CTPS2: variants seen among roughly 807,000 people sequenced by gnomAD.
The protein encoded by CTPS2 is CTP synthase 2.
In CTPS2, 19 loss-of-function variants were observed where a neutral mutation model predicts 46.8. The ratio of observed to expected loss-of-function variants is 0.41; its 90% CI spans 0.28 to 0.60. The LOEUF (loss-of-function observed/expected upper bound fraction) is 0.60. Ranked by LOEUF, CTPS2 falls within the 20% of genes least tolerant of loss-of-function variation. The probability of loss-of-function intolerance (pLI) is 0.35; values close to 1 mark genes in which losing one functional copy is unlikely to be tolerated. For synonymous variants in CTPS2, 151 were observed against 165.2 expected, an observed-to-expected ratio of 0.91 and a Z score of 0.66; for missense variants, 286 against 447.6, an observed-to-expected ratio of 0.64 and a Z score of 3.26.
intron 17 of CTPS2, among the ~76,000 whole-genome samples, chrX:16,607,086 G>A (rs778491266): frequency 4.4e-5 from 5 of 113,009 alleles, no homozygotes; most frequent in East Asian, 2.8e-4. Context: ...CCCGCCATGC[G>A]GGAATTGGCA....
intron 17 of CTPS2, 34 bp from the exon 18 acceptor site, chrX:16,590,896 T>TAA: frequency 1.7e-5 from 16 of 924,040 alleles, no homozygotes; most frequent in Admixed American, 2.8e-5. Flanking sequence ...TAGCAAGGTA[T>TAA]AAAAAAAAAA....
chrX:16,626,495 T>G (rs897629809), intron 14 of CTPS2, among the ~76,000 whole-genome samples: 4 of 111,871 alleles, frequency 3.6e-5, no homozygotes, highest in African/African-American at 1.3e-4. Flanking sequence ...TTCTGGAGAC[T>G]GTACAACAAT....
At chrX:16,590,036 A>G (rs1313096692) in intron 18 of CTPS2, among the ~76,000 whole-genome samples, 1 of 111,870 alleles carries the variant, frequency 8.9e-6, no homozygotes, top group African/African-American at 3.2e-5. Context: ...GCCTGCCATA[A>G]TGCCTAGGGC....
chrX:16,701,555 G>A (rs750571420), intron 2 of CTPS2, among the ~76,000 whole-genome samples: 2 of 108,588 alleles, frequency 1.8e-5, no homozygotes, highest in South Asian at 4.1e-4. Context: ...GTGAGACCCT[G>A]TCTCAAAAAA....
chrX:16,652,758 A>G (rs1226415631), intron 13 of CTPS2, among the ~76,000 whole-genome samples: 1 of 111,815 alleles, frequency 8.9e-6, no homozygotes, highest in Non-Finnish European at 1.9e-5. Context: ...CTGAAAGTCT[A>G]CTTAACATGT....
In CTPS2 at chrX:16,683,187, A is replaced by C. The variant is rs374930978; in HGVS notation, c.912T>G (p.Val304=). Residue 304 remains valine, a synonymous_variant, in exon 9 of 19, where the codon GTT becomes GTG. Coordinates refer to ENST00000359276, the MANE Select transcript of CTPS2 (RefSeq NM_175859.3). The stretch of plus-strand genomic sequence containing the variant: ...AGTCTCTGAGCTTGGTGTATTTGCC[A>C]ACCAGGGCTATGGAGCATATTTTCT... ...RLQKICSIAL[V]GKYTKLRDCY... 1 of 1,210,714 alleles carries C rather than the reference A, an allele frequency of 8.3e-7. No homozygotes were observed.
At chrX:16,593,200 T>C (rs751941870) in intron 17 of CTPS2, among the ~76,000 whole-genome samples, 195 of 111,330 alleles carry the variant, frequency 1.8e-3, no homozygotes, top group African/African-American at 5.7e-3. Flanking sequence ...GAGGCCAAGG[T>C]GGGCGGATCA....
At chrX:16,672,802 A>T (rs1387444738) in intron 10 of CTPS2, among the ~76,000 whole-genome samples, 4 of 109,113 alleles carry the variant, frequency 3.7e-5, no homozygotes, top group African/African-American at 1.3e-4. Context: ...CTCTGTGCAA[A>T]TTGGTTGAAT....
chrX:16,605,652 G>T (rs1485495992), intron 17 of CTPS2, among the ~76,000 whole-genome samples: 1 of 111,601 alleles, frequency 9.0e-6, no homozygotes, highest in Non-Finnish European at 1.9e-5. Context: ...AACCCGGGAG[G>T]TGGAGGTTGC....
At position 16,648,432 on chromosome X, in the gene CTPS2, T is replaced by TTGAAA. The variant is rs1264252703; in HGVS notation, c.1297-9190_1297-9189insTTTCA. ...TGAATCTAGTCGAAAGGCAGACTGG[T>TTGAAA]GTTCATTGCACTATTCTTGCCACTT... On this transcript the variant is annotated intron_variant, in intron 13 of 18. Coordinates refer to ENST00000359276, the MANE Select transcript of CTPS2 (RefSeq NM_175859.3). 4.5e-5 allele frequency among the ~76,000 whole-genome samples: 5 copies of TTGAAA among 112,150 alleles called. No individual in the cohort carries two copies. The South Asian group carries it at 1.5e-3, about 33-fold the overall frequency.
At chrX:16,639,579 G>A (rs369730265) in intron 13 of CTPS2, among the ~76,000 whole-genome samples, 1 of 109,854 alleles carries the variant, frequency 9.1e-6, no homozygotes, top group Non-Finnish European at 1.9e-5. Context: ...CTCCCACTTC[G>A]GTGTTCACAT....
intron 1 of CTPS2, among the ~76,000 whole-genome samples, chrX:16,708,233 G>A (rs1287875731): frequency 9.0e-6 from 1 of 111,468 alleles, no homozygotes; most frequent in African/African-American, 3.3e-5. Flanking sequence ...GTTATCACAC[G>A]TCAGAGCTGT....
rs781314454 is a variant in CTPS2 at position 16,699,082 on chromosome X, C to T, written c.178G>A (p.Val60Ile). 13 of 1,148,691 alleles carry T rather than the reference C, an allele frequency of 1.1e-5. No individual in the cohort carries two copies. Among genetic ancestry groups the T allele is most frequent in the Admixed American group, 1.1e-4 (4 of 35,653 alleles). 94.7% of individuals were successfully genotyped at this position (1,148,691 alleles called of 1,213,427 possible). The change falls in exon 3 of 19, where the codon GTC becomes ATC. Residue 60 changes from valine to isoleucine, a missense_variant. Val to Ile is a conservative substitution (Grantham distance 29, BLOSUM62 3). Transcript: ENST00000359276. Reference protein sequence around the residue: ...FSPYEHGEVFVLNDGGEVDLD... With the variant: ...FSPYEHGEVFILNDGGEVDLD... ...TCAACTTCTCCACCATCATTTAAGA[C>T]GAAGACTTCACCTAGGATTAAAAAG... is the stretch of plus-strand genomic sequence containing the variant.
intron 13 of CTPS2, among the ~76,000 whole-genome samples, chrX:16,661,337 T>A (rs1228753001): frequency 8.9e-6 from 1 of 112,211 alleles, no homozygotes; most frequent in Non-Finnish European, 1.9e-5. Flanking sequence ...GATTTCTATA[T>A]GATCTTTGTA....
At chrX:16,632,050 CTGCT>C (rs1931501497) in intron 14 of CTPS2, among the ~76,000 whole-genome samples, 1 of 111,736 alleles carries the variant, frequency 8.9e-6, no homozygotes. Flanking sequence ...CCACTTCTCC[CTGCT>C]TTTCAAAAAT....
intron 15 of CTPS2, 130 bp downstream of exon 15, chrX:16,620,147 A>G: frequency 2.4e-6 from 1 of 412,325 alleles, no homozygotes; most frequent in Non-Finnish European, 4.1e-6. Flanking sequence ...AGACTGTGGG[A>G]AATTTGGTCC....
chrX:16,656,574 T>C (rs1932826222), intron 13 of CTPS2, among the ~76,000 whole-genome samples: 1 of 111,150 alleles, frequency 9.0e-6, no homozygotes, highest in African/African-American at 3.3e-5. Context: ...CACGCCCGGC[T>C]AATTTTTCTT....
At chrX:16,674,897 G>A (rs1356666885) in intron 10 of CTPS2, among the ~76,000 whole-genome samples, 1 of 110,187 alleles carries the variant, frequency 9.1e-6, no homozygotes, top group Non-Finnish European at 1.9e-5. Flanking sequence ...GGTGTATTCA[G>A]GTTTTCCATA....
intron 13 of CTPS2, among the ~76,000 whole-genome samples, chrX:16,646,318 A>G (rs1202666824): frequency 8.9e-6 from 1 of 112,426 alleles, no homozygotes; most frequent in Non-Finnish European, 1.9e-5. Flanking sequence ...AGGTCCTTGG[A>G]TGTCTCTACA....
Sources: allele counts gnomAD v4.1 joint callset (sites outside exome capture counted in the v4.1 genomes callset), GRCh38; gene constraint gnomAD v4.1.1; transcripts MANE v1.5; gene names NCBI Gene and HGNC (gene_info 2026-07-23, HGNC 2026-07-21).